The following SH2B1 variants were observed in gnomAD, a reference collection of about 807,000 sequenced individuals.
SH2B1 encodes the protein SH2B adaptor protein 1, also known as SH2B adapter protein 1.
SH2B1 carries 15 observed loss-of-function variants against 62.6 expected under a neutral mutation model. That is an observed-to-expected ratio of 0.24 (90% CI 0.16 to 0.37). SH2B1 has a LOEUF of 0.37. Ranked by LOEUF, SH2B1 falls within the 10% of genes least tolerant of loss-of-function variation. The pLI, the probability that SH2B1 is intolerant of heterozygous loss-of-function variation, is 1.00. For synonymous variants in SH2B1, 443 were observed against 438.0 expected (o/e 1.01, Z -0.14); for missense variants, 925 against 1,015.6 (o/e 0.91, Z 1.21).
chr16:28,853,228 A>AATAT (rs55893199), intron 1 of SH2B1, among the ~76,000 whole-genome samples: 4,598 of 124,548 alleles, frequency 0.037, 360 homozygotes, highest in African/African-American at 0.12. Context: ...TGTATATATA[A>AATAT]ATATATATAT....
chr16:28,867,597 A>C (rs1201972304), intron 2 of SH2B1, among the ~76,000 whole-genome samples, 165 bp downstream of exon 2: 1 of 152,182 alleles, frequency 6.6e-6, no homozygotes, highest in African/African-American at 2.4e-5. Context: ...AAGACAGGGA[A>C]ATGTTCTTAC....
chr16:28,847,463 T>C (rs943890221), intron 1 of SH2B1, among the ~76,000 whole-genome samples: 2 of 152,130 alleles, frequency 1.3e-5, no homozygotes, highest in African/African-American at 4.8e-5. Flanking sequence ...CTGGAGGTTA[T>C]GATTCCGTGG....
At chr16:28,870,274 G>A (rs1962956521) in intron 4 of SH2B1, among the ~76,000 whole-genome samples, 3 of 152,308 alleles carry the variant, frequency 2.0e-5, no homozygotes, top group South Asian at 4.1e-4. Flanking sequence ...GTTCTCTAGA[G>A]GCTTTCAGCT....
In SH2B1 at chr16:28,864,065, A is replaced by G. The variant is rs951730553; in HGVS notation, c.-2030A>G. 1.2e-5 allele frequency: 16 copies of G among 1,348,656 alleles called. No individual in the cohort carries two copies. Among genetic ancestry groups the G allele is most frequent in the African/African-American group, 6.0e-5 (4 of 66,982 alleles). The allele number at this position is 1,348,656 out of a possible 1,614,324, so 83.5% of individuals were successfully genotyped here. ...GTGGAGGGCCGGGGGCTGGAGAGGC[A>G]CTCGGCCCCGGAGAGTGCAGCAGAC... On this transcript the variant is annotated 5_prime_UTR_variant, in exon 1 of 8. Coordinates refer to ENST00000684370, the MANE Select transcript of SH2B1 (RefSeq NM_001387430.1).
At position 28,869,111 on chromosome 16, in the gene SH2B1, CT is replaced by C; in HGVS notation, c.1133+16del. On this transcript the variant is annotated intron_variant, in intron 3 of 7. Coordinates refer to ENST00000684370, the MANE Select transcript of SH2B1 (RefSeq NM_001387430.1). ...CCTGAGCCCAGGGTGAGAAGCCTGACTTCTGTCGCTAAGGGACATAGAGTGG... is the reference window on the plus strand; with the variant it reads ...CCTGAGCCCAGGGTGAGAAGCCTGACTCTGTCGCTAAGGGACATAGAGTGG... The C allele has an allele frequency of 6.2e-7, 1 of 1,613,882 alleles. No homozygotes were observed. The highest frequency in any genetic ancestry group is 8.5e-7 in the Non-Finnish European group (1 of 1,179,756).
Position 28,869,331 on chromosome 16 carries a change from C to G in SH2B1, c.1257C>G (p.Pro419=). 6.2e-7 allele frequency: 1 copy of G among 1,614,148 alleles called. No homozygotes were observed. The highest frequency in any genetic ancestry group is 8.5e-7 in the Non-Finnish European group (1 of 1,180,036). Reference sequence around the variant, plus strand: ...GCCTGAATCACTCGGAGAGTCTACCCAGCCAGGACCTGCTGCTTGGACCCA... The same window carrying G: ...GCCTGAATCACTCGGAGAGTCTACCGAGCCAGGACCTGCTGCTTGGACCCA... ...LSCLNHSESL[P]SQDLLLGPSE... The change falls in exon 4 of 8, where the codon CCC becomes CCG. Residue 419 remains proline, a synonymous_variant. Transcript: ENST00000684370.
chr16:28,847,703 C>T (rs922623133), intron 1 of SH2B1, among the ~76,000 whole-genome samples: 3 of 151,906 alleles, frequency 2.0e-5, no homozygotes, highest in African/African-American at 4.8e-5. Flanking sequence ...GCTATAGCCC[C>T]TCCTACTCAG....
chr16:28,860,474 C>T (rs1054276825), upstream of SH2B1, among the ~76,000 whole-genome samples: 6 of 152,202 alleles, frequency 3.9e-5, no homozygotes, highest in Admixed American at 2.6e-4. Context: ...AACTCCTGAC[C>T]TCAGGTGATC....
At chr16:28,852,996 A>ATATATGTACATATATATTT (rs1962220723) in intron 1 of SH2B1, among the ~76,000 whole-genome samples, 3 of 86,858 alleles carry the variant, frequency 3.5e-5, no homozygotes, top group East Asian at 3.6e-4. Flanking sequence ...ATATGTACAT[A>ATATATGTACATATATATTT]TATATGTACA....
upstream of SH2B1, chr16:28,863,833 C>A: frequency 6.5e-7 from 1 of 1,533,510 alleles, no homozygotes; most frequent in Non-Finnish European, 8.7e-7. Context: ...GGGGTCCTGA[C>A]GCCTGCGCGG....
intron 1 of SH2B1, among the ~76,000 whole-genome samples, chr16:28,854,656 T>C (rs1962281079): frequency 6.6e-6 from 1 of 152,096 alleles, no homozygotes; most frequent in Non-Finnish European, 1.5e-5. Flanking sequence ...CTTGGAAGGC[T>C]GAGGCAGGAG....
chr16:28,861,833 T>G (rs537531709), upstream of SH2B1: 1 of 152,388 alleles, frequency 6.6e-6, no homozygotes, highest in East Asian at 1.9e-4. Context: ...AATCAGCTAC[T>G]CAGTTCTGGA....
chr16:28,873,012 C>T lies in SH2B1; in HGVS notation c.1897+307C>T. On this transcript the variant is annotated intron_variant, in intron 7 of 7. Coordinates refer to ENST00000684370, the MANE Select transcript of SH2B1 (RefSeq NM_001387430.1). The surrounding 1 kb of genome is among the most constrained non-coding windows in gnomAD (Gnocchi z 4.2). The stretch of plus-strand genomic sequence containing the variant: ...TCTCCTGGACCCATCCTGGCCTCGT[C>T]TTTGCCCTCCGTCGCAGCCTGGCCT... 2 of 647,980 alleles carry T rather than the reference C, an allele frequency of 3.1e-6. No homozygotes were observed. Among genetic ancestry groups the T allele is most frequent in the Non-Finnish European group, 5.3e-6 (2 of 378,364 alleles). The allele number at this position is 647,980 out of a possible 1,614,324, so 40.1% of individuals were successfully genotyped here.
In SH2B1 at chr16:28,866,126, C is replaced by T; in HGVS notation, c.32C>T (p.Ala11Val). The T allele has an allele frequency of 6.3e-7, 1 of 1,582,396 alleles. No individual in the cohort carries two copies. The change falls in exon 1 of 8, where the codon GCC (alanine) becomes GTC (valine). Residue 11 changes from alanine (A) to valine (V), a missense_variant. Coordinates refer to ENST00000684370, the MANE Select transcript of SH2B1 (RefSeq NM_001387430.1). This position sits in a 1 kb window ranked among gnomAD's most constrained non-coding sequence, Gnocchi z 6.3. MNGAPSPEDGASPSSPPLPPP... is the reference protein window; with the variant it reads MNGAPSPEDGVSPSSPPLPPP... ...GGTGCCCCTTCCCCAGAGGACGGGG[C>T]CTCCCCCTCGTCTCCCCCGCTGCCC...
rs978906016 is a variant in SH2B1, at chr16:28,874,175, C to T, written c.*355C>T. Reference sequence around the variant, plus strand: ...TGTTGTTTTAAACAAAATGGAGAAGCATAAATAAATAAAAAGGTTTATCTC... The same window carrying T: ...TGTTGTTTTAAACAAAATGGAGAAGTATAAATAAATAAAAAGGTTTATCTC... On this transcript the variant is annotated 3_prime_UTR_variant, in exon 8 of 8. Coordinates refer to ENST00000684370, the MANE Select transcript of SH2B1 (RefSeq NM_001387430.1). 57 of 216,688 alleles carry T rather than the reference C, an allele frequency of 2.6e-4. No homozygotes were observed. The Admixed American group carries it at 3.1e-3, about 12-fold the overall frequency. The allele number at this position is 216,688 out of a possible 1,614,324, so 13.4% of individuals were successfully genotyped here. A position where few individuals can be genotyped will look rare whatever the true frequency, so the allele number is the denominator to read the frequency against.
At chr16:28,853,574 T>C (rs572940396) in intron 1 of SH2B1, among the ~76,000 whole-genome samples, 6 of 146,212 alleles carry the variant, frequency 4.1e-5, no homozygotes, top group Non-Finnish European at 7.5e-5. Flanking sequence ...CAGGCTAGTC[T>C]CAAATTTCTG....
At chr16:28,851,353 C>T (rs532273347) in intron 1 of SH2B1, among the ~76,000 whole-genome samples, 22 of 152,038 alleles carry the variant, frequency 1.4e-4, no homozygotes, top group Admixed American at 1.4e-3. Context: ...TTTACTATGT[C>T]CTCTGTCAAC....
chr16:28,857,891 C>T (rs944367819), intron 1 of SH2B1, among the ~76,000 whole-genome samples: 2 of 150,908 alleles, frequency 1.3e-5, no homozygotes, highest in Non-Finnish European at 2.9e-5. Context: ...AGGCGCCCAC[C>T]ACCACACCTG....
chr16:28,861,441 T>C (rs1200447940), upstream of SH2B1, among the ~76,000 whole-genome samples: 5 of 142,628 alleles, frequency 3.5e-5, no homozygotes, highest in Admixed American at 1.4e-4. Flanking sequence ...CTTAGAACAT[T>C]TTTTTTTTTG....
Sources: gnomAD v4.1 joint callset for allele counts (sites outside exome capture counted in the v4.1 genomes callset) on GRCh38, gnomAD v4.1.1 for gene constraint, Gnocchi (gnomAD v3.1) non-coding constraint, MANE v1.5 for transcripts, NCBI Gene and HGNC (gene_info 2026-07-23, HGNC 2026-07-21) for gene names.